The following TENM2 variants were observed in gnomAD, a reference collection of about 807,000 sequenced individuals.
TENM2 encodes teneurin-2.
TENM2 carries 52 observed loss-of-function variants against 245.2 expected under a neutral mutation model. The ratio of observed to expected loss-of-function variants is 0.21; its 90% CI spans 0.17 to 0.27. The LOEUF (loss-of-function observed/expected upper bound fraction) is 0.27. TENM2 is among the 10% of genes least tolerant of loss of function. The probability of loss-of-function intolerance (pLI) is 1.00; values close to 1 mark genes in which losing one functional copy is unlikely to be tolerated. For missense variants in TENM2, 3,046 were observed against 3,666.8 expected, an observed-to-expected ratio of 0.83 and a Z score of 4.37; for synonymous variants, 1,363 against 1,438.9, an observed-to-expected ratio of 0.95 and a Z score of 1.19.
At chr5:168,245,108 T>A (rs1766433609) in intron 26 of TENM2, among the ~76,000 whole-genome samples, 1 of 151,572 alleles carries the variant, frequency 6.6e-6, no homozygotes, top group South Asian at 2.1e-4. Context: ...TGTTTTGCCA[T>A]GAGACATCTT....
At chr5:167,513,101 C>A (rs1770079350) in intron 2 of TENM2, among the ~76,000 whole-genome samples, 1 of 152,104 alleles carries the variant, frequency 6.6e-6, no homozygotes, top group South Asian at 2.1e-4. Context: ...GAGATAAAAT[C>A]TGTAACTCTC....
chr5:167,551,599 C>CAT, intron 2 of TENM2, among the ~76,000 whole-genome samples: 1 of 152,234 alleles, frequency 6.6e-6, no homozygotes, highest in Admixed American at 6.5e-5. Context: ...TATATACACA[C>CAT]ACATACATAC....
At chr5:167,006,563 G>T in the TENM2 span, among the ~76,000 whole-genome samples, 6 of 152,102 alleles carry the variant, frequency 3.9e-5, no homozygotes, top group Admixed American at 6.5e-5. Flanking sequence ...TTCTAAGCAT[G>T]GATACATATG....
intron 12 of TENM2, among the ~76,000 whole-genome samples, chr5:168,150,022 T>C (rs1756499510): frequency 6.6e-6 from 1 of 152,174 alleles, no homozygotes; most frequent in Admixed American, 6.5e-5. Flanking sequence ...GACAGTCACC[T>C]CCATCACACA....
intron 2 of TENM2, among the ~76,000 whole-genome samples, chr5:167,756,905 T>C (rs1269703472): frequency 6.6e-6 from 1 of 151,568 alleles, no homozygotes; most frequent in Middle Eastern, 3.2e-3. Context: ...TGGCCACTGG[T>C]TCTTTGAGAG....
chr5:167,789,775 G>C (rs1764824776), intron 2 of TENM2, among the ~76,000 whole-genome samples: 1 of 152,176 alleles, frequency 6.6e-6, no homozygotes, highest in Non-Finnish European at 1.5e-5. Flanking sequence ...TCTGCAGTCA[G>C]ACTGCCTTAA....
At chr5:167,683,033 T>C (rs569101931) in intron 2 of TENM2, among the ~76,000 whole-genome samples, 21 of 152,276 alleles carry the variant, frequency 1.4e-4, no homozygotes, top group African/African-American at 5.1e-4. Flanking sequence ...TAAAAATATA[T>C]ATCTCAAGAC....
In TENM2 at chr5:168,014,848, A is replaced by G. The variant is rs562940388; in HGVS notation, c.1186+21666A>G. ...TCTGTTCTGACAGCCCCAGAGATGAAGAAGGGCTCTTGGGGAGCATAATGG... is the reference window on the plus strand; with the variant it reads ...TCTGTTCTGACAGCCCCAGAGATGAGGAAGGGCTCTTGGGGAGCATAATGG... On this transcript the variant is annotated intron_variant, in intron 5 of 28. Coordinates refer to ENST00000518659, the Ensembl canonical transcript of TENM2. Among the ~76,000 whole-genome samples, 3 of 152,268 alleles carry G rather than the reference A, an allele frequency of 2.0e-5. No individual in the cohort carries two copies. In the South Asian group the frequency reaches 6.2e-4, roughly 32 times the overall value.
At chr5:167,085,373 A>C in the TENM2 span, among the ~76,000 whole-genome samples, 3 of 152,174 alleles carry the variant, frequency 2.0e-5, no homozygotes, top group African/African-American at 4.8e-5. Flanking sequence ...AGCCTGAGAG[A>C]GTGTACTTCT....
intron 4 of TENM2, among the ~76,000 whole-genome samples, chr5:167,955,547 C>A (rs1349247357): frequency 6.6e-6 from 1 of 152,146 alleles, no homozygotes; most frequent in African/African-American, 2.4e-5. Flanking sequence ...TTGCCCATGC[C>A]TATGTCCTGA....
At chr5:167,206,216 A>G in the TENM2 span, among the ~76,000 whole-genome samples, 2 of 152,174 alleles carry the variant, frequency 1.3e-5, no homozygotes, top group Non-Finnish European at 2.9e-5. Flanking sequence ...AACTGAACTC[A>G]TCATCATTCC....
chr5:167,350,415 G>A (rs199835171), intron 1 of TENM2, among the ~76,000 whole-genome samples: 1 of 28,922 alleles, frequency 3.5e-5, no homozygotes, highest in Non-Finnish European at 7.1e-5. Flanking sequence ...ACATATATAT[G>A]TGTGTGTGTG....
the TENM2 span, among the ~76,000 whole-genome samples, chr5:167,212,819 G>T: frequency 6.6e-6 from 1 of 152,118 alleles, no homozygotes; most frequent in Non-Finnish European, 1.5e-5. Flanking sequence ...GATGTTATCT[G>T]GGTTGCTTGT....
chr5:166,993,300 T>C, the TENM2 span, among the ~76,000 whole-genome samples: 1 of 152,282 alleles, frequency 6.6e-6, no homozygotes, highest in Admixed American at 6.5e-5. Flanking sequence ...TCCAGTGTCC[T>C]GTGTGCCCTC....
At chr5:167,946,943 GT>G (rs1779673739) in intron 3 of TENM2, among the ~76,000 whole-genome samples, 1 of 152,166 alleles carries the variant, frequency 6.6e-6, no homozygotes, top group Non-Finnish European at 1.5e-5. Context: ...AGCATCAATT[GT>G]TTTGCTTATG....
intron 2 of TENM2, among the ~76,000 whole-genome samples, chr5:167,458,821 A>G (rs1046585489): frequency 6.6e-6 from 1 of 152,204 alleles, no homozygotes; most frequent in African/African-American, 2.4e-5. Context: ...CAGACAGTTT[A>G]AATAACTGAT....
At chr5:167,314,078 C>T (rs1481797951) in intron 1 of TENM2, among the ~76,000 whole-genome samples, 3 of 152,118 alleles carry the variant, frequency 2.0e-5, no homozygotes, top group Admixed American at 2.0e-4. Flanking sequence ...TCAGCATTGC[C>T]ATATAGAGTG....
At chr5:167,809,045 T>C (rs761920587) in intron 2 of TENM2, among the ~76,000 whole-genome samples, 34 of 152,124 alleles carry the variant, frequency 2.2e-4, no homozygotes, top group Non-Finnish European at 4.0e-4. Context: ...AAGAAATGTA[T>C]AAGATAACAT....
chr5:167,557,333 G>C (rs1582382087), intron 2 of TENM2, among the ~76,000 whole-genome samples: 1 of 152,294 alleles, frequency 6.6e-6, no homozygotes, highest in East Asian at 1.9e-4. Flanking sequence ...TCTTCTACAA[G>C]GGTAGGAAAG....
Sources: allele counts gnomAD v4.1 joint callset (sites outside exome capture counted in the v4.1 genomes callset), GRCh38; gene constraint gnomAD v4.1.1; transcripts MANE v1.5; gene names NCBI Gene and HGNC (gene_info 2026-07-23, HGNC 2026-07-21).